The following LINGO2 variants were observed in gnomAD, a reference collection of about 807,000 sequenced individuals.
The protein encoded by LINGO2 is leucine-rich repeat and immunoglobulin-like domain-containing nogo receptor-interacting protein 2.
Under a neutral mutation model 30.6 loss-of-function variants are expected in LINGO2, and 14 were observed. That is an observed-to-expected ratio of 0.46 (90% CI 0.30 to 0.72). The LOEUF (loss-of-function observed/expected upper bound fraction) is 0.72. Ranked by LOEUF, LINGO2 falls within the 30% of genes least tolerant of loss-of-function variation. The probability of loss-of-function intolerance (pLI) is 0.07; values close to 1 mark genes in which losing one functional copy is unlikely to be tolerated. For missense variants in LINGO2, 729 were observed against 751.7 expected (o/e 0.97, Z 0.35); for synonymous variants, 317 against 288.5 (o/e 1.10, Z -1.00).
chr9:28,113,428 T>G (rs1826841643), intron 4 of LINGO2, among the ~76,000 whole-genome samples: 1 of 39,292 alleles, frequency 2.5e-5, no homozygotes, highest in East Asian at 9.1e-4. Context: ...TTTAAAGTAG[T>G]TTTTTCCAAT....
chr9:29,031,411 T>A, the LINGO2 span, among the ~76,000 whole-genome samples: 1 of 152,176 alleles, frequency 6.6e-6, no homozygotes, highest in Admixed American at 6.6e-5. Flanking sequence ...GCCTCTCAAG[T>A]AGCTAGGATT....
chr9:28,507,353 A>G (rs1280713758), intron 1 of LINGO2, among the ~76,000 whole-genome samples: 1 of 152,116 alleles, frequency 6.6e-6, no homozygotes, highest in South Asian at 2.1e-4. Context: ...TGTTAGAACC[A>G]CATAGCAATG....
chr9:28,884,970 TA>T, the LINGO2 span, among the ~76,000 whole-genome samples: 33,627 of 49,258 alleles, frequency 0.68, 11,297 homozygotes, highest in Non-Finnish European at 0.74. Flanking sequence ...TTTATATATA[TA>T]ATATATATAA....
intron 1 of LINGO2, among the ~76,000 whole-genome samples, chr9:28,595,977 G>C (rs920368080): frequency 2.0e-5 from 3 of 152,058 alleles, no homozygotes; most frequent in Non-Finnish European, 4.4e-5. Flanking sequence ...GTATCTTTTT[G>C]TGTATCATTT....
chr9:28,303,815 T>A (rs79300056), intron 3 of LINGO2, among the ~76,000 whole-genome samples: 3 of 151,904 alleles, frequency 2.0e-5, no homozygotes, highest in East Asian at 1.9e-4. Context: ...GGTCTTGCTG[T>A]CTCTGGGGTG....
At chr9:28,067,387 C>T (rs187994030) in intron 4 of LINGO2, among the ~76,000 whole-genome samples, 2 of 151,972 alleles carry the variant, frequency 1.3e-5, no homozygotes, top group East Asian at 3.9e-4. Context: ...GAATTGAATG[C>T]AATAATAAGG....
chr9:27,982,384 C>A (rs142738738), intron 5 of LINGO2, among the ~76,000 whole-genome samples: 1 of 151,766 alleles, frequency 6.6e-6, no homozygotes, highest in African/African-American at 2.4e-5. Flanking sequence ...ATGGGAGAAA[C>A]AGTTCAGTGT....
the LINGO2 span, among the ~76,000 whole-genome samples, chr9:29,091,395 T>C: frequency 5.7e-3 from 753 of 132,290 alleles, 6 homozygotes; most frequent in African/African-American, 0.021. Flanking sequence ...TGAATAGTAA[T>C]ATTTCAAAAA....
intron 4 of LINGO2, among the ~76,000 whole-genome samples, chr9:28,213,671 T>C (rs1820670355): frequency 6.6e-6 from 1 of 151,502 alleles, no homozygotes; most frequent in Non-Finnish European, 1.5e-5. Flanking sequence ...GCTCAGTTTA[T>C]AAGTGGTCAC....
At chr9:27,955,264 C>T (rs1259539465) in intron 5 of LINGO2, among the ~76,000 whole-genome samples, 1 of 152,138 alleles carries the variant, frequency 6.6e-6, no homozygotes, top group African/African-American at 2.4e-5. Flanking sequence ...ATTTCTCCAC[C>T]TCATAGAAGG....
chr9:29,099,589 AT>A, the LINGO2 span, among the ~76,000 whole-genome samples: 1 of 152,224 alleles, frequency 6.6e-6, no homozygotes, highest in African/African-American at 2.4e-5. Context: ...GAATAGATGT[AT>A]CTCGAAAGAA....
the LINGO2 span, among the ~76,000 whole-genome samples, chr9:29,080,942 G>A: frequency 5.9e-5 from 9 of 151,982 alleles, no homozygotes; most frequent in Admixed American, 4.6e-4. Context: ...GGGGTGGATT[G>A]TTCTGTAGAT....
At chr9:27,967,776 G>C (rs1820169378) in intron 5 of LINGO2, among the ~76,000 whole-genome samples, 1 of 152,064 alleles carries the variant, frequency 6.6e-6, no homozygotes, top group South Asian at 2.1e-4. Context: ...TCTGACCTTT[G>C]TTAATGTAAT....
At chr9:28,622,403 G>A (rs1024536973) in intron 1 of LINGO2, among the ~76,000 whole-genome samples, 14 of 151,326 alleles carry the variant, frequency 9.3e-5, no homozygotes, top group Admixed American at 6.6e-5. Context: ...AAAATTGTTT[G>A]TTTTATTTTT....
At chr9:28,901,232 C>T in the LINGO2 span, among the ~76,000 whole-genome samples, 6 of 151,860 alleles carry the variant, frequency 4.0e-5, no homozygotes, top group Non-Finnish European at 7.4e-5. Context: ...CAATCAGAAA[C>T]GAAGGAGATA....
chr9:28,544,551 A>T (rs927326325), intron 1 of LINGO2, among the ~76,000 whole-genome samples: 2 of 152,118 alleles, frequency 1.3e-5, no homozygotes, highest in Non-Finnish European at 2.9e-5. Flanking sequence ...GCATTTGCAA[A>T]GGACCTACCA....
At chr9:28,277,556 C>T (rs941416746) in intron 4 of LINGO2, among the ~76,000 whole-genome samples, 5 of 152,100 alleles carry the variant, frequency 3.3e-5, no homozygotes, top group Non-Finnish European at 7.4e-5. Context: ...GTAATCCCAG[C>T]ACTCTGGGAG....
chr9:28,971,710 C>G, the LINGO2 span, among the ~76,000 whole-genome samples: 1 of 152,366 alleles, frequency 6.6e-6, no homozygotes, highest in Admixed American at 6.5e-5. Context: ...AACCAGGGGC[C>G]TAGCGGAACT....
Position 28,187,825 on chromosome 9 carries a change from C to T in LINGO2, c.-87+107383G>A, listed in dbSNP as rs118066105. 1.0e-2 allele frequency among the ~76,000 whole-genome samples: 1,517 copies of T among 152,250 alleles called. 12 individuals carry two copies. Among genetic ancestry groups the T allele is most frequent in the Non-Finnish European group, 0.014 (965 of 68,018 alleles). On this transcript the variant is annotated intron_variant, in intron 4 of 5. Transcript: ENST00000379992. ...ACATATGATAACGTGATCTCTAAGG[C>T]TTTTCCATAGTCTAAACTTCTATGA... is the stretch of plus-strand genomic sequence containing the variant.
Sources: allele counts gnomAD v4.1 joint callset (sites outside exome capture counted in the v4.1 genomes callset), GRCh38; gene constraint gnomAD v4.1.1; transcripts MANE v1.5; gene names NCBI Gene and HGNC (gene_info 2026-07-23, HGNC 2026-07-21).